SCAPER: variants seen among roughly 807,000 people sequenced by gnomAD.
SCAPER encodes the protein S phase cyclin A-associated protein in the endoplasmic reticulum.
A neutral mutation model predicts 182.2 loss-of-function variants in SCAPER; 98 were observed. The observed-to-expected ratio is 0.54, with a 90% CI of 0.46 to 0.64. The LOEUF (loss-of-function observed/expected upper bound fraction) is 0.64, where lower values mean the gene tolerates loss of function less well. Among genes scored for constraint, SCAPER ranks in the 30% least tolerant of loss-of-function variants. The probability of loss-of-function intolerance (pLI) is 0.00; values close to 1 mark genes in which losing one functional copy is unlikely to be tolerated. For missense variants in SCAPER, 1,432 were observed against 1,690.0 expected, an observed-to-expected ratio of 0.85 and a Z score of 2.68; for synonymous variants, 605 against 564.6, an observed-to-expected ratio of 1.07 and a Z score of -1.01.
At chr15:76,536,366 A>G (rs962403416) in intron 23 of SCAPER, among the ~76,000 whole-genome samples, 1 of 152,144 alleles carries the variant, frequency 6.6e-6, no homozygotes, top group Non-Finnish European at 1.5e-5. Flanking sequence ...AAAAATTGGG[A>G]AAAAAACCAC....
intron 1 of SCAPER, among the ~76,000 whole-genome samples, chr15:76,899,954 AAAG>A (rs1456289481): frequency 2.0e-5 from 3 of 152,232 alleles, no homozygotes; most frequent in Admixed American, 1.3e-4. Context: ...GTCTGTGTAG[AAAG>A]AAGTAGACAT....
chr15:76,627,782 T>A (rs1046542192), intron 21 of SCAPER, among the ~76,000 whole-genome samples: 2 of 152,192 alleles, frequency 1.3e-5, no homozygotes, highest in Non-Finnish European at 2.9e-5. Flanking sequence ...GTAACAATGA[T>A]TTTTATTCCT....
intron 17 of SCAPER, among the ~76,000 whole-genome samples, chr15:76,722,814 C>G (rs934409245): frequency 6.6e-6 from 1 of 152,002 alleles, no homozygotes; most frequent in Non-Finnish European, 1.5e-5. Flanking sequence ...TGATTCTTCT[C>G]TCTTTTCTTC....
At chr15:76,750,592 G>A (rs1324787121) in intron 15 of SCAPER, among the ~76,000 whole-genome samples, 1 of 151,776 alleles carries the variant, frequency 6.6e-6, no homozygotes, top group African/African-American at 2.4e-5. Context: ...ATTTATTCCT[G>A]GAATGGTACA....
At chr15:76,561,835 T>G (rs866586943) in intron 23 of SCAPER, among the ~76,000 whole-genome samples, 2 of 151,654 alleles carry the variant, frequency 1.3e-5, no homozygotes, top group African/African-American at 2.4e-5. Flanking sequence ...TAGTTTTTTT[T>G]TTTTTTTTTA....
intron 24 of SCAPER, among the ~76,000 whole-genome samples, chr15:76,502,266 G>C (rs983560700): frequency 1.3e-5 from 2 of 152,090 alleles, no homozygotes; most frequent in African/African-American, 4.8e-5. Context: ...GGGTCAAATG[G>C]TATTTCTAGT....
intron 5 of SCAPER, among the ~76,000 whole-genome samples, chr15:76,841,444 C>A (rs1403399357): frequency 6.6e-6 from 1 of 151,974 alleles, no homozygotes; most frequent in Non-Finnish European, 1.5e-5. Flanking sequence ...GTCAGGAGTT[C>A]GAGACCAGCT....
At chr15:76,590,433 G>T (rs536091117) in intron 22 of SCAPER, among the ~76,000 whole-genome samples, 1 of 152,140 alleles carries the variant, frequency 6.6e-6, no homozygotes, top group African/African-American at 2.4e-5. Flanking sequence ...AAATTACAAG[G>T]TTCTATTAAA....
intron 23 of SCAPER, among the ~76,000 whole-genome samples, chr15:76,541,987 T>C (rs2044789365): frequency 6.6e-6 from 1 of 152,206 alleles, no homozygotes; most frequent in African/African-American, 2.4e-5. Context: ...GAGGGGAACC[T>C]GAGTTTTTCT....
At chr15:76,613,611 A>G (rs1398141289) in intron 22 of SCAPER, among the ~76,000 whole-genome samples, 2 of 152,258 alleles carry the variant, frequency 1.3e-5, no homozygotes, top group Non-Finnish European at 2.9e-5. Context: ...ATGAACAGAC[A>G]CTTTTCTAAA....
At chr15:76,553,939 A>G (rs1157794683) in intron 23 of SCAPER, among the ~76,000 whole-genome samples, 1 of 152,228 alleles carries the variant, frequency 6.6e-6, no homozygotes, top group Non-Finnish European at 1.5e-5. Flanking sequence ...TTAACTACAA[A>G]TGACTACATC....
rs1372679888 is a variant in SCAPER, at chr15:76,404,687, T to C, written c.3312-8A>G. 11 of 1,607,316 alleles carry C rather than the reference T, an allele frequency of 6.8e-6. No homozygotes were observed. Among genetic ancestry groups the C allele is most frequent in the Non-Finnish European group, 9.3e-6 (11 of 1,177,106 alleles). On this transcript the variant is annotated splice_region_variant and splice_polypyrimidine_tract_variant and intron_variant, in intron 26 of 31. Transcript: ENST00000563290. Reference sequence around the variant, plus strand: ...CCCATGTTCACCACGTAGCTAGATATGGGGGAGAAATGCATGTTATCAATC... The same window carrying C: ...CCCATGTTCACCACGTAGCTAGATACGGGGGAGAAATGCATGTTATCAATC...
rs35382573 is a variant in SCAPER at position 76,434,189 on chromosome 15, T to C, written c.3200A>G (p.Asn1067Ser). ...SAVVLGCLIA[N>S]RPDGNCQPAT... ...TGGCTGGCAGTTTCCATCTGGTCGA[T>C]TGGCAATCAGGCAGCCCAAAACCAC... is the stretch of plus-strand genomic sequence containing the variant. Residue 1067 changes from asparagine (N) to serine (S), a missense_variant, in exon 26 of 32, where the codon AAT becomes AGT. Physicochemically the swap from Asn to Ser is conservative, Grantham distance 46. Transcript: ENST00000563290. 6.1e-4 allele frequency: 981 copies of C among 1,613,992 alleles called. 2 individuals are homozygous for C. The Middle Eastern group carries it at 8.1e-3, about 13-fold the overall frequency.
chr15:76,709,392 C>G (rs1054550465), intron 17 of SCAPER, among the ~76,000 whole-genome samples: 1 of 152,112 alleles, frequency 6.6e-6, no homozygotes, highest in Non-Finnish European at 1.5e-5. Context: ...CCTTGGCCTC[C>G]CAAAGTGCTG....
intron 20 of SCAPER, among the ~76,000 whole-genome samples, chr15:76,690,543 A>G (rs2058294770): frequency 6.6e-6 from 1 of 152,198 alleles, no homozygotes; most frequent in South Asian, 2.1e-4. Context: ...TATTAATTTT[A>G]ACAAATTTAA....
At chr15:76,690,599 T>A (rs1249677074) in intron 20 of SCAPER, among the ~76,000 whole-genome samples, 1 of 152,176 alleles carries the variant, frequency 6.6e-6, no homozygotes, top group Non-Finnish European at 1.5e-5. Context: ...GGGGAAACTG[T>A]GCAAAGGGTA....
chr15:76,381,327 A>G (rs902512256), intron 28 of SCAPER, 51 bp downstream of exon 28: 2 of 1,490,874 alleles, frequency 1.3e-6, no homozygotes, highest in Non-Finnish European at 1.8e-6. Flanking sequence ...TATCTACACT[A>G]AAATACTAAC....
intron 23 of SCAPER, among the ~76,000 whole-genome samples, chr15:76,551,998 G>C (rs1057313354): frequency 8.5e-6 from 1 of 118,338 alleles, no homozygotes; most frequent in Non-Finnish European, 1.8e-5. Context: ...AAGAACAGGA[G>C]AGGGAAGCTG....
chr15:76,566,848 A>G (rs1392279853), intron 23 of SCAPER, among the ~76,000 whole-genome samples: 1 of 152,064 alleles, frequency 6.6e-6, no homozygotes, highest in African/African-American at 2.4e-5. Context: ...TTAAACATAA[A>G]CATACAGAAA....
Sources: gnomAD v4.1 joint callset for allele counts (sites outside exome capture counted in the v4.1 genomes callset) on GRCh38, gnomAD v4.1.1 for gene constraint, MANE v1.5 for transcripts, NCBI Gene and HGNC (gene_info 2026-07-23, HGNC 2026-07-21) for gene names.